RORA: variants seen among roughly 807,000 people sequenced by gnomAD.
RORA encodes the protein RAR related orphan receptor A.
A neutral mutation model predicts 69.5 loss-of-function variants in RORA; 7 were observed. The ratio of observed to expected loss-of-function variants is 0.10; its 90% confidence interval spans 0.06 to 0.19. The LOEUF is 0.19. Ranked by LOEUF, RORA falls within the 10% of genes least tolerant of loss-of-function variation. RORA has a pLI of 1.00. For missense variants in RORA, 457 were observed against 663.0 expected (o/e 0.69, Z 3.41); for synonymous variants, 261 against 240.8 (o/e 1.08, Z -0.78).
intron 4 of RORA, chr15:60,512,076 A>G (rs1261276178): frequency 1.8e-5 from 3 of 166,262 alleles, no homozygotes; most frequent in Non-Finnish European, 3.9e-5. Context: ...GCGTTCATTC[A>G]GTTCACCGTC....
chr15:60,571,159 T>TC, intron 2 of RORA, among the ~76,000 whole-genome samples: 1 of 152,150 alleles, frequency 6.6e-6, no homozygotes, highest in African/African-American at 2.4e-5. Flanking sequence ...ATTTTTTTTT[T>TC]CCCGGGGAGT....
At chr15:60,704,025 AC>A (rs2140796794) in intron 1 of RORA, among the ~76,000 whole-genome samples, 1 of 152,348 alleles carries the variant, frequency 6.6e-6, no homozygotes, top group African/African-American at 2.4e-5. Context: ...TATGACGGGT[AC>A]AATAAAATGA....
intron 1 of RORA, among the ~76,000 whole-genome samples, chr15:60,830,911 A>G (rs929079014): frequency 1.3e-5 from 2 of 152,178 alleles, no homozygotes; most frequent in Non-Finnish European, 2.9e-5. Flanking sequence ...TCTACAGTAA[A>G]GTGTTGTTGC....
At chr15:61,196,804 A>G (rs762740643) in intron 1 of RORA, among the ~76,000 whole-genome samples, 4 of 152,240 alleles carry the variant, frequency 2.6e-5, no homozygotes, top group Admixed American at 1.3e-4. Context: ...AAATTTTAAG[A>G]CACATAATCC....
At chr15:60,775,533 CCTT>C (rs2072152751) in intron 1 of RORA, among the ~76,000 whole-genome samples, 1 of 152,112 alleles carries the variant, frequency 6.6e-6, no homozygotes, top group Non-Finnish European at 1.5e-5. Context: ...TGATAAAAAT[CCTT>C]CTTGGATATT....
chr15:61,213,302 G>A lies in RORA; in HGVS notation c.166+15751C>T, dbSNP rs2080010125. ...ACCCCAGTCTTGGCCTTCAATATCA[G>A]TCACCAGAATTATTACAGAATCTCC... On this transcript the variant is annotated intron_variant, in intron 1 of 10. Transcript: ENST00000335670. The surrounding 1 kb of genome is among the most constrained non-coding windows in gnomAD (Gnocchi z 4.1). Among the ~76,000 whole-genome samples, 2 of 152,084 alleles carry A rather than the reference G, an allele frequency of 1.3e-5. No homozygotes were observed. The highest frequency in any genetic ancestry group is 2.9e-5 in the Non-Finnish European group (2 of 68,020).
chr15:60,807,962 C>G (rs991013560), intron 1 of RORA, among the ~76,000 whole-genome samples: 2 of 152,122 alleles, frequency 1.3e-5, no homozygotes, highest in Non-Finnish European at 2.9e-5. Flanking sequence ...AGACCTGAAA[C>G]CTAAAGATTC....
intron 1 of RORA, among the ~76,000 whole-genome samples, chr15:60,928,039 A>T (rs114589410): frequency 3.3e-4 from 50 of 152,266 alleles, no homozygotes; most frequent in African/African-American, 1.1e-3. Context: ...ACAGTCATCA[A>T]GCAAGATTTT....
intron 1 of RORA, among the ~76,000 whole-genome samples, chr15:60,890,291 T>C (rs60757937): frequency 0.076 from 11,555 of 152,308 alleles, 544 homozygotes; most frequent in African/African-American, 0.13. Context: ...GGGCCTGGAA[T>C]ACTGCATATT....
chr15:60,819,768 C>T (rs1202810940), intron 1 of RORA, among the ~76,000 whole-genome samples: 1 of 100,920 alleles, frequency 9.9e-6, no homozygotes, highest in Non-Finnish European at 2.6e-5. Flanking sequence ...CACACACACA[C>T]ACACACACAC....
intron 1 of RORA, among the ~76,000 whole-genome samples, chr15:61,143,952 G>T (rs920765578): frequency 6.6e-6 from 1 of 152,104 alleles, no homozygotes; most frequent in Non-Finnish European, 1.5e-5. Flanking sequence ...TTTCTGAAAG[G>T]CAAAGAAAAC....
At chr15:60,502,940 T>C in intron 7 of RORA, 73 bp from the exon 8 acceptor site, 4 of 956,384 alleles carry the variant, frequency 4.2e-6, no homozygotes, top group Non-Finnish European at 6.9e-6. Flanking sequence ...AAGCTGCTCA[T>C]GTAGAGACTC....
chr15:61,115,872 GGT>G (rs554387619), intron 1 of RORA, among the ~76,000 whole-genome samples: 283 of 152,318 alleles, frequency 1.9e-3, no homozygotes, highest in African/African-American at 6.6e-3. Flanking sequence ...TCCTTTAGGA[GGT>G]GAGTCATGAG....
At chr15:61,127,355 A>G (rs2079152264) in intron 1 of RORA, among the ~76,000 whole-genome samples, 2 of 152,192 alleles carry the variant, frequency 1.3e-5, no homozygotes, top group African/African-American at 4.8e-5. Context: ...AATTAAACAC[A>G]GCATTTAAAC....
At chr15:60,832,911 CT>C (rs1003319926) in intron 1 of RORA, among the ~76,000 whole-genome samples, 50 of 148,084 alleles carry the variant, frequency 3.4e-4, no homozygotes, top group East Asian at 5.9e-4. Context: ...ACTGAGTGTT[CT>C]TTTTTTTTTT....
intron 1 of RORA, among the ~76,000 whole-genome samples, chr15:60,894,220 T>C (rs947825436): frequency 8.5e-5 from 13 of 152,258 alleles, no homozygotes; most frequent in African/African-American, 2.7e-4. Context: ...GCGATCATTT[T>C]TTAACACGGC....
At chr15:61,141,332 A>G (rs1237173196) in intron 1 of RORA, among the ~76,000 whole-genome samples, 1 of 152,224 alleles carries the variant, frequency 6.6e-6, no homozygotes, top group Non-Finnish European at 1.5e-5. Context: ...AGTATTTATC[A>G]GAACAATTTG....
At chr15:61,060,143 A>G (rs1566968962) in intron 1 of RORA, among the ~76,000 whole-genome samples, 1 of 152,178 alleles carries the variant, frequency 6.6e-6, no homozygotes, top group Non-Finnish European at 1.5e-5. Context: ...CTAGAGCACA[A>G]TGTGGTTCCA....
chr15:60,887,736 A>C (rs1436253509), intron 1 of RORA, among the ~76,000 whole-genome samples: 1 of 152,170 alleles, frequency 6.6e-6, no homozygotes, highest in East Asian at 1.9e-4. Context: ...GGTTGTTTCA[A>C]AGGACTAATC....
Sources: gnomAD v4.1 joint callset for allele counts (sites outside exome capture counted in the v4.1 genomes callset) on GRCh38, gnomAD v4.1.1 for gene constraint, Gnocchi (gnomAD v3.1) non-coding constraint, MANE v1.5 for transcripts, NCBI Gene and HGNC (gene_info 2026-07-23, HGNC 2026-07-21) for gene names.